The following ANK2 variants were observed in gnomAD, a reference collection of about 807,000 sequenced individuals.
ANK2 encodes ankyrin-2.
Under a neutral mutation model 360.5 loss-of-function variants are expected in ANK2, and 83 were observed. The ratio of observed to expected loss-of-function variants is 0.23; its 90% CI spans 0.19 to 0.28. ANK2 has a LOEUF of 0.28. Ranked by LOEUF, ANK2 falls within the 10% of genes least tolerant of loss-of-function variation. The pLI, the probability that ANK2 is intolerant of heterozygous loss-of-function variation, is 1.00. For missense variants in ANK2, 4,201 were observed against 4,795.7 expected (o/e 0.88, Z 3.66); for synonymous variants, 1,740 against 1,759.5 (o/e 0.99, Z 0.28).
chr4:113,057,198 A>G (rs2070484967), intron 1 of ANK2, among the ~76,000 whole-genome samples: 2 of 152,192 alleles, frequency 1.3e-5, no homozygotes, highest in Non-Finnish European at 2.9e-5. Flanking sequence ...CAGAAATATT[A>G]TAGGTATACT....
rs183085753 is a variant in ANK2 at position 112,921,502 on chromosome 4, G to A, written c.21+16988G>A. ...TAAAGAGATGGGGTCTTGCCATATT[G>A]CCCAGGCTGGAGTGCAGTGGCAATT... On this transcript the variant is annotated intron_variant, in intron 2 of 30. Coordinates refer to the ANK2 transcript ENST00000503271. 2.7e-5 allele frequency among the ~76,000 whole-genome samples: 4 copies of A among 148,218 alleles called. No individual in the cohort carries two copies. The East Asian group carries it at 8.1e-4, about 30-fold the overall frequency.
chr4:112,733,019 C>T, the ANK2 span, among the ~76,000 whole-genome samples: 4 of 152,050 alleles, frequency 2.6e-5, no homozygotes, highest in African/African-American at 9.7e-5. Context: ...GAGTTCAAGA[C>T]CAGCCTGGCC....
intron 3 of ANK2, 139 bp from the exon 4 acceptor site, chr4:113,198,872 C>A: frequency 4.3e-6 from 3 of 700,950 alleles, no homozygotes; most frequent in South Asian, 1.8e-5. Flanking sequence ...ATAATCTCTT[C>A]GTAAGTGGGC....
Position 112,958,606 on chromosome 4 carries a change from G to A in ANK2, c.21+54092G>A, listed in dbSNP as rs192330512. Among the ~76,000 whole-genome samples, 100 of 151,836 alleles carry A rather than the reference G, an allele frequency of 6.6e-4. No individual in the cohort carries two copies. In the East Asian group the frequency reaches 8.0e-3, roughly 12 times the overall value. On this transcript the variant is annotated intron_variant, in intron 2 of 30. Transcript: ENST00000503271. ...TTGGAAAGAGAGGGAGAGGGAGACCGTGGGGAGAGGGAGAGGGGGGAGAGG... is the reference window on the plus strand; with the variant it reads ...TTGGAAAGAGAGGGAGAGGGAGACCATGGGGAGAGGGAGAGGGGGGAGAGG...
At chr4:113,030,224 G>C (rs984114163) in intron 2 of ANK2, among the ~76,000 whole-genome samples, 1 of 152,044 alleles carries the variant, frequency 6.6e-6, no homozygotes, top group African/African-American at 2.4e-5. Context: ...TAATATATTA[G>C]GGAAGGCTCA....
Position 113,343,155 on chromosome 4 carries a change from T to C in ANK2, c.4248+13T>C. 1 of 1,611,972 alleles carries C rather than the reference T, an allele frequency of 6.2e-7. No homozygotes were observed. Among genetic ancestry groups the C allele is most frequent in the Non-Finnish European group, 8.5e-7 (1 of 1,178,758 alleles). On this transcript the variant is annotated intron_variant, in intron 34 of 45. Transcript: ENST00000357077. The stretch of plus-strand genomic sequence containing the variant: ...TCTATTTGTCAAGGTAATATATACA[T>C]GGAATTTTGTGATGCATTTTTTTCA...
At chr4:112,950,508 G>A (rs1051550832) in intron 2 of ANK2, among the ~76,000 whole-genome samples, 4 of 151,644 alleles carry the variant, frequency 2.6e-5, no homozygotes, top group Non-Finnish European at 2.9e-5. Flanking sequence ...GCCTGGCATG[G>A]TGGCATGCAC....
intron 24 of ANK2, among the ~76,000 whole-genome samples, chr4:113,315,627 A>G (rs779476559): frequency 2.6e-5 from 4 of 152,142 alleles, no homozygotes; most frequent in Non-Finnish European, 5.9e-5. Context: ...GCCCGGGCAT[A>G]GTGGCTCACG....
At chr4:113,075,970 C>T (rs2079774374) in intron 1 of ANK2, among the ~76,000 whole-genome samples, 1 of 152,148 alleles carries the variant, frequency 6.6e-6, no homozygotes, top group South Asian at 2.1e-4. Flanking sequence ...CCAGATCCCA[C>T]TGAGAATCTG....
At chr4:113,249,936 A>G in intron 10 of ANK2, 74 bp downstream of exon 10, 1 of 1,351,362 alleles carries the variant, frequency 7.4e-7, no homozygotes, top group Non-Finnish European at 1.0e-6. Context: ...ATTCTTTTTT[A>G]AATTGAAACA....
intron 26 of ANK2, 126 bp from the exon 27 acceptor site, chr4:113,330,120 A>C (rs2091967297): frequency 1.1e-6 from 1 of 884,512 alleles, no homozygotes; most frequent in African/African-American, 1.7e-5. Flanking sequence ...CAAGCATTTT[A>C]CCACCATGCA....
intron 1 of ANK2, among the ~76,000 whole-genome samples, chr4:113,094,599 T>C (rs1478470130): frequency 6.6e-6 from 1 of 152,154 alleles, no homozygotes; most frequent in Admixed American, 6.5e-5. Context: ...ACAGTTATCT[T>C]CTTGTTAGCA....
intron 1 of ANK2, among the ~76,000 whole-genome samples, chr4:112,831,802 C>G (rs1378885883): frequency 2.0e-5 from 3 of 152,156 alleles, no homozygotes; most frequent in African/African-American, 7.2e-5. Flanking sequence ...ACTCCTGAAG[C>G]CAGCGAGACC....
chr4:113,044,311 C>T (rs1055806597), intron 2 of ANK2, among the ~76,000 whole-genome samples: 1 of 152,142 alleles, frequency 6.6e-6, no homozygotes, highest in African/African-American at 2.4e-5. Flanking sequence ...GCTCTTCCAC[C>T]TTCTAGGTTT....
intron 1 of ANK2, among the ~76,000 whole-genome samples, chr4:113,144,133 T>G (rs2096742931): frequency 6.6e-6 from 1 of 152,214 alleles, no homozygotes; most frequent in African/African-American, 2.4e-5. Flanking sequence ...AACATGATTT[T>G]AAGAGATGCC....
At chr4:112,709,575 C>A in the ANK2 span, among the ~76,000 whole-genome samples, 2 of 152,030 alleles carry the variant, frequency 1.3e-5, no homozygotes, top group Non-Finnish European at 2.9e-5. Flanking sequence ...ATGGTGAAAC[C>A]TGGCCTCTAC....
intron 1 of ANK2, among the ~76,000 whole-genome samples, chr4:113,107,454 T>A (rs2093769777): frequency 6.6e-6 from 1 of 151,730 alleles, no homozygotes. Context: ...TGACCTCAGG[T>A]GATCTACCCA....
the ANK2 span, among the ~76,000 whole-genome samples, chr4:112,754,702 G>A: frequency 1.3e-5 from 2 of 152,046 alleles, no homozygotes; most frequent in East Asian, 3.9e-4. Context: ...TAAGGTCCCT[G>A]TTCCCCCATC....
At chr4:113,019,565 A>G (rs181765194) in intron 2 of ANK2, among the ~76,000 whole-genome samples, 2 of 152,338 alleles carry the variant, frequency 1.3e-5, no homozygotes, top group African/African-American at 4.8e-5. Context: ...AATGGATTCA[A>G]TCTTTTAAAA....
Sources: allele counts gnomAD v4.1 joint callset (sites outside exome capture counted in the v4.1 genomes callset), GRCh38; gene constraint gnomAD v4.1.1; transcripts MANE v1.5; gene names NCBI Gene and HGNC (gene_info 2026-07-23, HGNC 2026-07-21).